CCDC50: variants seen among roughly 807,000 people sequenced by gnomAD.
CCDC50 encodes coiled-coil domain containing 50, also known as coiled-coil domain-containing protein 50.
Under a neutral mutation model 70.2 loss-of-function variants are expected in CCDC50, and 54 were observed. The observed-to-expected ratio is 0.77, with a 90% CI of 0.62 to 0.96. CCDC50 has a LOEUF of 0.96. CCDC50 is among the 50% of genes least tolerant of loss of function. CCDC50 has a pLI of 0.00. For synonymous variants in CCDC50, 216 were observed against 198.8 expected, an observed-to-expected ratio of 1.09 and a Z score of -0.73; for missense variants, 558 against 578.7, an observed-to-expected ratio of 0.96 and a Z score of 0.37.
intron 4 of CCDC50, among the ~76,000 whole-genome samples, chr3:191,366,730 A>G (rs367593172): frequency 2.0e-5 from 3 of 151,908 alleles, no homozygotes; most frequent in East Asian, 3.9e-4. Flanking sequence ...AAAGAGTTAT[A>G]TATGCTGCAT....
At chr3:191,331,995 C>T (rs1042865364) in intron 1 of CCDC50, among the ~76,000 whole-genome samples, 7 of 152,124 alleles carry the variant, frequency 4.6e-5, no homozygotes, top group Non-Finnish European at 8.8e-5. Flanking sequence ...TTAATTTAAA[C>T]TTTTGATAGA....
At position 191,375,536 on chromosome 3, in the gene CCDC50, C is replaced by G. The variant is rs1064796789; in HGVS notation, c.923C>G (p.Pro308Arg). The change falls in exon 6 of 12, where the codon CCC becomes CGC. Residue 308 changes from proline to arginine, a missense_variant. Pro to Arg is a moderately radical substitution (Grantham distance 103). Transcript: ENST00000392455. ...QGEHRKRRHRPRTPPFSESEE... is the reference protein window; with the variant it reads ...QGEHRKRRHRRRTPPFSESEE... The stretch of plus-strand genomic sequence containing the variant: ...GAGCACAGAAAAAGGAGACACAGGC[C>G]CAGGACTCCTCCATTCTCAGAGAGT... 8 of 1,613,200 alleles carry G rather than the reference C, an allele frequency of 5.0e-6. No individual in the cohort carries two copies. The highest frequency in any genetic ancestry group is 6.8e-6 in the Non-Finnish European group (8 of 1,179,704).
In CCDC50 at chr3:191,384,978, T is replaced by G. The variant is rs1713439613; in HGVS notation, c.1322+2153T>G. ...TAATGCCCTCCAGAGGCATCCCTGT[T>G]GCAGCAAATGATATGATTTCATTCT... is the stretch of plus-strand genomic sequence containing the variant. On this transcript the variant is annotated intron_variant, in intron 10 of 11. Coordinates refer to ENST00000392455, the MANE Select transcript of CCDC50 (RefSeq NM_178335.3). Among the ~76,000 whole-genome samples, 2 of 152,204 alleles carry G rather than the reference T, an allele frequency of 1.3e-5. 1 individual carries two copies. Among genetic ancestry groups the G allele is most frequent in the South Asian group, 4.1e-4 (2 of 4,834 alleles).
chr3:191,331,691 C>G (rs1717990612), intron 1 of CCDC50, among the ~76,000 whole-genome samples: 2 of 152,138 alleles, frequency 1.3e-5, no homozygotes. Flanking sequence ...GAATGTCCTA[C>G]TAATGGTGGT....
At chr3:191,355,188 A>G (rs1333867247) in intron 1 of CCDC50, among the ~76,000 whole-genome samples, 1 of 152,208 alleles carries the variant, frequency 6.6e-6, no homozygotes, top group African/African-American at 2.4e-5. Flanking sequence ...TCTAATCATA[A>G]TTAATCTAAA....
intron 10 of CCDC50, among the ~76,000 whole-genome samples, chr3:191,384,994 A>G (rs1209506102): frequency 6.6e-6 from 1 of 152,090 alleles, no homozygotes; most frequent in Non-Finnish European, 1.5e-5. Context: ...AAATGATATG[A>G]TTTCATTCTT....
intron 1 of CCDC50, among the ~76,000 whole-genome samples, chr3:191,332,091 T>A (rs779988601): frequency 1.2e-3 from 181 of 152,210 alleles, no homozygotes; most frequent in Non-Finnish European, 1.8e-3. Context: ...AGTGAGTGTG[T>A]GCCCGTTTCC....
At chr3:191,388,910 T>C (rs1576977443) in intron 10 of CCDC50, among the ~76,000 whole-genome samples, 1 of 134,206 alleles carries the variant, frequency 7.5e-6, no homozygotes, top group East Asian at 2.1e-4. Flanking sequence ...TTTAGAGTAG[T>C]AAAAATTATA....
At chr3:191,345,632 G>A (rs755506400) in intron 1 of CCDC50, among the ~76,000 whole-genome samples, 88 of 151,966 alleles carry the variant, frequency 5.8e-4, no homozygotes, top group Admixed American at 2.8e-3. Flanking sequence ...TTCAAAACCC[G>A]CTTGCCTGCA....
chr3:191,392,059 G>T lies in CCDC50; in HGVS notation c.*299G>T. ...GCCATTTTGTTAGGTATGGAGTTTG[G>T]TATCTAGGGAGTAGGCCTTATTTAG... On this transcript the variant is annotated 3_prime_UTR_variant, in exon 12 of 12. Transcript: ENST00000392455. The T allele has an allele frequency of 3.0e-6, 1 of 338,350 alleles. No homozygotes were observed. The highest frequency in any genetic ancestry group is 5.4e-6 in the Non-Finnish European group (1 of 185,238). The allele number at this position is 338,350 out of a possible 1,614,324, so 21.0% of individuals were successfully genotyped here. A position where few individuals can be genotyped will look rare whatever the true frequency, so the allele number is the denominator to read the frequency against.
At chr3:191,354,372 A>G (rs998962411) in intron 1 of CCDC50, among the ~76,000 whole-genome samples, 2 of 152,030 alleles carry the variant, frequency 1.3e-5, no homozygotes, top group African/African-American at 4.8e-5. Context: ...TTTTAACCAT[A>G]GGTATATCTA....
At chr3:191,344,266 G>A (rs372078806) in intron 1 of CCDC50, among the ~76,000 whole-genome samples, 4 of 152,160 alleles carry the variant, frequency 2.6e-5, no homozygotes, top group Admixed American at 6.5e-5. Flanking sequence ...ATACCGTCAC[G>A]TTGTGATTAT....
At chr3:191,358,581 T>A (rs1169539884) in intron 3 of CCDC50, among the ~76,000 whole-genome samples, 1 of 152,260 alleles carries the variant, frequency 6.6e-6, no homozygotes, top group Non-Finnish European at 1.5e-5. Flanking sequence ...CATAGCAGAA[T>A]GTTCTGAAAA....
At chr3:191,379,332 G>A (rs1022556573) in intron 6 of CCDC50, among the ~76,000 whole-genome samples, 3 of 152,034 alleles carry the variant, frequency 2.0e-5, no homozygotes, top group African/African-American at 4.8e-5. Context: ...GAGACAATCA[G>A]GAGTACATTT....
In CCDC50 at chr3:191,375,099, T is replaced by G. The variant is rs201450559; in HGVS notation, c.486T>G (p.Ser162=). The G allele has an allele frequency of 1.2e-6, 2 of 1,613,622 alleles. No homozygotes were observed. The highest frequency in any genetic ancestry group is 1.7e-6 in the Non-Finnish European group (2 of 1,179,694). The change falls in exon 6 of 12, where the codon TCT becomes TCG. Residue 162 remains serine, a synonymous_variant. Coordinates refer to ENST00000392455, the MANE Select transcript of CCDC50 (RefSeq NM_178335.3). The part of the protein sequence containing the change: ...PGSRRARELG[S]GFSRPCRLQR... ...CAAGGAGGGCCAGGGAATTGGGTTC[T>G]GGATTCTCAAGACCTTGTAGACTCC...
intron 4 of CCDC50, among the ~76,000 whole-genome samples, chr3:191,368,623 TC>T (rs1712786162): frequency 1.1e-5 from 1 of 87,552 alleles, no homozygotes; most frequent in Non-Finnish European, 2.0e-5. Flanking sequence ...CTGAGGGTAT[TC>T]TTCATTCGCA....
intron 1 of CCDC50, among the ~76,000 whole-genome samples, chr3:191,341,307 G>T (rs1333057342): frequency 6.6e-6 from 1 of 152,156 alleles, no homozygotes; most frequent in Non-Finnish European, 1.5e-5. Flanking sequence ...AGTAGCAGAT[G>T]CTTTCTTTCG....
intron 1 of CCDC50, among the ~76,000 whole-genome samples, chr3:191,338,705 T>A (rs570894910): frequency 6.6e-6 from 1 of 152,348 alleles, no homozygotes; most frequent in South Asian, 2.1e-4. Flanking sequence ...ATAGAGCTAA[T>A]CTTTGAAAGA....
At chr3:191,375,675 T>C in intron 6 of CCDC50, 86 bp downstream of exon 6, 1 of 1,399,090 alleles carries the variant, frequency 7.1e-7, no homozygotes, top group Non-Finnish European at 9.9e-7. Flanking sequence ...TAAGCAACCT[T>C]TCTTTCTCTC....
Sources: allele counts gnomAD v4.1 joint callset (sites outside exome capture counted in the v4.1 genomes callset), GRCh38; gene constraint gnomAD v4.1.1; transcripts MANE v1.5; gene names NCBI Gene and HGNC (gene_info 2026-07-23, HGNC 2026-07-21).